The following MCC variants were observed in gnomAD, a reference collection of about 807,000 sequenced individuals.
The protein encoded by MCC is MCC regulator of Wnt signaling pathway.
Under a neutral mutation model 116.2 loss-of-function variants are expected in MCC, and 90 were observed. The observed-to-expected ratio is 0.77, with a 90% CI of 0.65 to 0.92. MCC has a LOEUF of 0.92. Ranked by LOEUF, MCC falls within the 40% of genes least tolerant of loss-of-function variation. The pLI is 0.00. For missense variants in MCC, 1,516 were observed against 1,312.2 expected (o/e 1.16, Z -2.40); for synonymous variants, 578 against 510.5 (o/e 1.13, Z -1.78).
intron 3 of MCC, among the ~76,000 whole-genome samples, chr5:113,301,929 A>C (rs1360927081): frequency 6.6e-6 from 1 of 152,220 alleles, no homozygotes; most frequent in Non-Finnish European, 1.5e-5. Context: ...CCACAGGAAG[A>C]CTTTCTGCAG....
intron 15 of MCC, among the ~76,000 whole-genome samples, chr5:113,052,719 A>T (rs1343343164): frequency 6.6e-6 from 1 of 152,088 alleles, no homozygotes; most frequent in Non-Finnish European, 1.5e-5. Context: ...CACTGCCACG[A>T]CCTGCTCTGG....
At chr5:113,219,976 G>A (rs2150328266) in intron 3 of MCC, among the ~76,000 whole-genome samples, 1 of 150,388 alleles carries the variant, frequency 6.6e-6, no homozygotes, top group Admixed American at 6.6e-5. Flanking sequence ...CATCCTCCGG[G>A]TTCATTCTTT....
intron 18 of MCC, 39 bp from the exon 19 acceptor site, chr5:113,027,521 CCTAAGT>C: frequency 6.3e-7 from 1 of 1,592,008 alleles, no homozygotes; most frequent in Non-Finnish European, 8.6e-7. Flanking sequence ...TAAGATTCAT[CCTAAGT>C]AGCATCGTGA....
chr5:113,081,557 T>C (rs1754858176), intron 11 of MCC, among the ~76,000 whole-genome samples: 1 of 152,134 alleles, frequency 6.6e-6, no homozygotes, highest in Admixed American at 6.5e-5. Context: ...CCAGAATCTG[T>C]AGAGAGGAGA....
chr5:113,075,056 G>A (rs887265083), intron 11 of MCC, among the ~76,000 whole-genome samples: 1 of 152,174 alleles, frequency 6.6e-6, no homozygotes, highest in Non-Finnish European at 1.5e-5. Flanking sequence ...GAAGTGTGGA[G>A]GGAGAGGTGC....
At position 113,027,921 on chromosome 5, in the gene MCC, T is replaced by G. The variant is rs560078203; in HGVS notation, c.2880-439A>C. ...ATACCTGGGACGAGAGCAGAGAGGT[T>G]GTTCTTGTTCCACCTTCCCTTTATG... On this transcript the variant is annotated intron_variant, in intron 18 of 18. Coordinates refer to ENST00000408903, the MANE Select transcript of MCC (RefSeq NM_001085377.2). Among the ~76,000 whole-genome samples, 8 of 152,202 alleles carry G rather than the reference T, an allele frequency of 5.3e-5. No homozygotes were observed. The South Asian group carries it at 8.3e-4, about 16-fold the overall frequency.
intron 1 of MCC, chr5:113,433,922 C>T (rs761669436): frequency 1.9e-6 from 3 of 1,614,026 alleles, no homozygotes; most frequent in South Asian, 1.1e-5. Flanking sequence ...TGGCAGACTT[C>T]TTGTCAGAGC....
At chr5:113,099,411 T>TA (rs1370381453) in intron 8 of MCC, among the ~76,000 whole-genome samples, 2 of 152,190 alleles carry the variant, frequency 1.3e-5, no homozygotes, top group African/African-American at 2.4e-5. Context: ...GATTCCTATT[T>TA]AAAAAAATGA....
At chr5:113,394,568 T>C (rs2051374843) in intron 1 of MCC, among the ~76,000 whole-genome samples, 1 of 152,220 alleles carries the variant, frequency 6.6e-6, no homozygotes, top group Non-Finnish European at 1.5e-5. Flanking sequence ...CGGTCACTGT[T>C]ATTTTACATG....
At chr5:113,452,851 C>G (rs959288370) in intron 1 of MCC, among the ~76,000 whole-genome samples, 1 of 152,188 alleles carries the variant, frequency 6.6e-6, no homozygotes, top group Admixed American at 6.5e-5. Flanking sequence ...GATGTTGGCA[C>G]CACTGCCAGT....
chr5:113,083,122 GT>G, intron 10 of MCC, 114 bp from the exon 11 acceptor site: 1 of 981,032 alleles, frequency 1.0e-6, no homozygotes, highest in Non-Finnish European at 1.5e-6. Context: ...TGGGAGGATG[GT>G]TACCCTGAAG....
At chr5:113,061,249 G>C (rs1037315332) in intron 14 of MCC, among the ~76,000 whole-genome samples, 1 of 152,194 alleles carries the variant, frequency 6.6e-6, no homozygotes, top group Non-Finnish European at 1.5e-5. Flanking sequence ...CTGGTGCTGA[G>C]ACAAGGGACT....
intron 1 of MCC, among the ~76,000 whole-genome samples, chr5:113,397,637 A>C (rs1769560380): frequency 1.3e-5 from 2 of 152,146 alleles, no homozygotes; most frequent in African/African-American, 4.8e-5. Flanking sequence ...GCTAGCTATA[A>C]GTAGAAGAAT....
chr5:113,040,372 G>T (rs1486053648), intron 17 of MCC, among the ~76,000 whole-genome samples: 1 of 152,010 alleles, frequency 6.6e-6, no homozygotes, highest in Non-Finnish European at 1.5e-5. Flanking sequence ...TTCTCCTTAA[G>T]GACAGCCCAT....
At chr5:113,163,025 C>A (rs1760578379) in intron 3 of MCC, among the ~76,000 whole-genome samples, 1 of 152,142 alleles carries the variant, frequency 6.6e-6, no homozygotes, top group African/African-American at 2.4e-5. Flanking sequence ...TCAGCTGCTC[C>A]CTGCACCCAG....
intron 13 of MCC, among the ~76,000 whole-genome samples, chr5:113,067,427 G>T (rs1424181475): frequency 6.6e-6 from 1 of 152,186 alleles, no homozygotes; most frequent in Non-Finnish European, 1.5e-5. Context: ...ATCACCTGAG[G>T]TCAGGAGTTC....
At chr5:113,230,578 A>C (rs892637092) in intron 3 of MCC, among the ~76,000 whole-genome samples, 1 of 152,228 alleles carries the variant, frequency 6.6e-6, no homozygotes, top group Admixed American at 6.5e-5. Flanking sequence ...CAGCAAAGCT[A>C]TACTGATCCA....
At chr5:113,339,438 T>TGTGTGTGTGTGTGCGCGC (rs145838279) in intron 3 of MCC, among the ~76,000 whole-genome samples, 6 of 149,552 alleles carry the variant, frequency 4.0e-5, no homozygotes, top group African/African-American at 1.0e-4. Flanking sequence ...TGTGTGTGTG[T>TGTGTGTGTGTGTGCGCGC]GCGTGCATGT....
rs1770777063 is a variant in MCC at position 113,434,350 on chromosome 5, C to A, written c.171-49138G>T. On this transcript the variant is annotated intron_variant, in intron 1 of 18. Coordinates refer to ENST00000408903, the MANE Select transcript of MCC (RefSeq NM_001085377.2). This position sits in a 1 kb window ranked among gnomAD's most constrained non-coding sequence, Gnocchi z 4.2. ...CTTAATGCCATTCGACCACTGTCAT[C>A]CCGCAGGCAGCGCTTGGAGAAGCTG... 1 of 1,613,680 alleles carries A rather than the reference C, an allele frequency of 6.2e-7. No homozygotes were observed. Among genetic ancestry groups the A allele is most frequent in the South Asian group, 1.1e-5 (1 of 91,048 alleles).
Sources: allele counts gnomAD v4.1 joint callset (sites outside exome capture counted in the v4.1 genomes callset), GRCh38; gene constraint gnomAD v4.1.1; non-coding constraint Gnocchi (gnomAD v3.1); transcripts MANE v1.5; gene names NCBI Gene and HGNC (gene_info 2026-07-23, HGNC 2026-07-21).